The following ARFIP1 variants were observed in gnomAD, a reference collection of about 807,000 sequenced individuals.
ARFIP1 encodes ARF interacting protein 1.
A neutral mutation model predicts 42.5 loss-of-function variants in ARFIP1; 24 were observed. The ratio of observed to expected loss-of-function variants is 0.57; its 90% CI spans 0.41 to 0.80. ARFIP1 has a LOEUF of 0.80. Ranked by LOEUF, ARFIP1 falls within the 30% of genes least tolerant of loss-of-function variation. ARFIP1 has a pLI of 0.00. For synonymous variants in ARFIP1, 141 were observed against 153.7 expected, an observed-to-expected ratio of 0.92 and a Z score of 0.61; for missense variants, 354 against 434.0, an observed-to-expected ratio of 0.82 and a Z score of 1.64.
rs552053120 is a variant in ARFIP1 at position 152,863,908 on chromosome 4, C to A, written c.202+194C>A. 2.2e-4 allele frequency among the ~76,000 whole-genome samples: 33 copies of A among 152,088 alleles called. No homozygotes were observed. In the South Asian group the frequency reaches 6.7e-3, roughly 31 times the overall value. ...AGTAGTCTCCTTTATATAAACAGATCAATGTACATGATATCACTGGTTATT... is the reference window on the plus strand; with the variant it reads ...AGTAGTCTCCTTTATATAAACAGATAAATGTACATGATATCACTGGTTATT... On this transcript the variant is annotated intron_variant, in intron 3 of 8. Coordinates refer to ENST00000353617, the MANE Select transcript of ARFIP1 (RefSeq NM_001025595.3).
chr4:152,812,111 T>G (rs1341285660), intron 1 of ARFIP1, among the ~76,000 whole-genome samples: 1 of 152,214 alleles, frequency 6.6e-6, no homozygotes. Context: ...CATAGTTCCA[T>G]TGCTGTAATT....
At chr4:152,893,866 G>T (rs1397523975) in intron 8 of ARFIP1, among the ~76,000 whole-genome samples, 1 of 152,014 alleles carries the variant, frequency 6.6e-6, no homozygotes, top group African/African-American at 2.4e-5. Flanking sequence ...TATGAAAACT[G>T]TTGTTTTCAC....
In ARFIP1 at chr4:152,856,073, GTTTTC is replaced by G. The variant is rs543432665; in HGVS notation, c.94-7526_94-7522del. Among the ~76,000 whole-genome samples the G allele has an allele frequency of 3.3e-4, 50 of 152,248 alleles. No homozygotes were observed. In the South Asian group the frequency reaches 8.9e-3, roughly 27 times the overall value. On this transcript the variant is annotated intron_variant, in intron 2 of 8. Transcript: ENST00000353617. ...AGCCATCTTGAAGCCCCTCTCTTAA[GTTTTC>G]TTTTCTAAGAGGCCATAGGTGACAA...
At chr4:152,903,680 A>G (rs571971886) in intron 8 of ARFIP1, among the ~76,000 whole-genome samples, 111 of 152,184 alleles carry the variant, frequency 7.3e-4, no homozygotes, top group African/African-American at 2.4e-3. Context: ...CTAGAATTCA[A>G]TCCTAAAAAG....
At chr4:152,851,231 A>G (rs560491690) in intron 2 of ARFIP1, among the ~76,000 whole-genome samples, 45 of 152,218 alleles carry the variant, frequency 3.0e-4, no homozygotes, top group Non-Finnish European at 5.4e-4. Context: ...AAGAGAGGAT[A>G]TAGACAAATT....
intron 2 of ARFIP1, among the ~76,000 whole-genome samples, chr4:152,859,289 C>T (rs531221932): frequency 7.9e-5 from 12 of 152,188 alleles, no homozygotes; most frequent in Admixed American, 2.6e-4. Context: ...CTCAAATTCC[C>T]GAGCTCAAGC....
intron 2 of ARFIP1, among the ~76,000 whole-genome samples, chr4:152,833,082 A>G (rs1731374633): frequency 6.6e-6 from 1 of 152,178 alleles, no homozygotes; most frequent in Admixed American, 6.5e-5. Context: ...AGCAAAGGAA[A>G]CAATCAACAA....
chr4:152,893,540 T>C (rs953739186), intron 8 of ARFIP1, among the ~76,000 whole-genome samples: 1 of 152,136 alleles, frequency 6.6e-6, no homozygotes. Flanking sequence ...AATGAATATA[T>C]TGGGAGTGGG....
intron 1 of ARFIP1, among the ~76,000 whole-genome samples, chr4:152,802,646 G>A (rs1034453677): frequency 4.6e-5 from 7 of 152,038 alleles, no homozygotes; most frequent in African/African-American, 9.7e-5. Context: ...AATGTCTTAC[G>A]CAGTTCCACA....
At chr4:152,821,963 G>A (rs1308877500) in intron 1 of ARFIP1, among the ~76,000 whole-genome samples, 1 of 152,124 alleles carries the variant, frequency 6.6e-6, no homozygotes, top group East Asian at 1.9e-4. Flanking sequence ...AATGTTAAAA[G>A]GAGTTCTAAA....
chr4:152,807,043 T>C (rs1435750508), intron 1 of ARFIP1, among the ~76,000 whole-genome samples: 2 of 152,174 alleles, frequency 1.3e-5, no homozygotes, highest in African/African-American at 4.8e-5. Flanking sequence ...CTCGCTATGT[T>C]GCCCAGTTTG....
chr4:152,792,765 C>T (rs1731211324), intron 1 of ARFIP1, among the ~76,000 whole-genome samples: 1 of 152,064 alleles, frequency 6.6e-6, no homozygotes, highest in Admixed American at 6.6e-5. Context: ...GGGAAATGAT[C>T]TTACAAGGTT....
chr4:152,910,430 A>G lies in ARFIP1; in HGVS notation c.*211A>G, dbSNP rs752572761. On this transcript the variant is annotated 3_prime_UTR_variant, in exon 9 of 9. Coordinates refer to ENST00000353617, the MANE Select transcript of ARFIP1 (RefSeq NM_001025595.3). Reference sequence around the variant, plus strand: ...ACATAGTTTCTATAATCTGAACACAATAATTTTCCTTTTTGAGAAATCCTT... The same window carrying G: ...ACATAGTTTCTATAATCTGAACACAGTAATTTTCCTTTTTGAGAAATCCTT... The G allele has an allele frequency of 4.3e-5, 20 of 465,824 alleles. No homozygotes were observed. The highest frequency in any genetic ancestry group is 6.0e-5 in the African/African-American group (3 of 49,624). The allele number at this position is 465,824 out of a possible 1,614,324, so 28.9% of individuals were successfully genotyped here.
chr4:152,822,656 G>A (rs1339741045), intron 1 of ARFIP1, among the ~76,000 whole-genome samples: 1 of 152,156 alleles, frequency 6.6e-6, no homozygotes, highest in African/African-American at 2.4e-5. Flanking sequence ...TATATCACAT[G>A]ATAGGCCACA....
At position 152,798,107 on chromosome 4, in the gene ARFIP1, G is replaced by C. The variant is rs78820509; in HGVS notation, c.-10+17881G>C. ...ACTCTGTCTCTACAAAAAATTAGCT[G>C]GGCATTGTGGCAGGCACCTGTAATT... On this transcript the variant is annotated intron_variant, in intron 1 of 8. Transcript: ENST00000353617. Among the ~76,000 whole-genome samples, 655 of 152,226 alleles carry C rather than the reference G, an allele frequency of 4.3e-3. 4 individuals carry two copies. Among genetic ancestry groups the C allele is most frequent in the African/African-American group, 0.015 (613 of 41,532 alleles).
intron 8 of ARFIP1, among the ~76,000 whole-genome samples, chr4:152,905,878 C>G (rs902958363): frequency 6.6e-6 from 1 of 152,018 alleles, no homozygotes; most frequent in African/African-American, 2.4e-5. Context: ...ATTCTAGAAT[C>G]AAGTTCTTTG....
chr4:152,880,330 G>GA (rs931823916), intron 5 of ARFIP1, among the ~76,000 whole-genome samples: 1 of 148,860 alleles, frequency 6.7e-6, no homozygotes, highest in Non-Finnish European at 1.5e-5. Flanking sequence ...CTGGGCAATA[G>GA]AGAGAGACTC....
At position 152,881,067 on chromosome 4, in the gene ARFIP1, T is replaced by C; in HGVS notation, c.516T>C (p.Tyr172=). The C allele has an allele frequency of 3.1e-6, 5 of 1,613,784 alleles. No homozygotes were observed. Among genetic ancestry groups the C allele is most frequent in the Middle Eastern group, 1.7e-4 (1 of 6,060 alleles). ...IDILRDNKKK[Y]ENILKLAQTL... is the part of the protein sequence containing the mutation. ...TATTAAGGGATAACAAGAAAAAATA[T>C]GAAAATATTTTAAAACTGGCTCAAA... The change falls in exon 6 of 9, where the codon TAT becomes TAC. Residue 172 remains tyrosine (Y), a synonymous_variant. Coordinates refer to ENST00000353617, the MANE Select transcript of ARFIP1 (RefSeq NM_001025595.3).
At chr4:152,892,032 T>C (rs1438821101) in intron 8 of ARFIP1, among the ~76,000 whole-genome samples, 2 of 152,006 alleles carry the variant, frequency 1.3e-5, no homozygotes, top group Non-Finnish European at 2.9e-5. Context: ...GAAGAAAACA[T>C]AGTATACTTT....
Sources: gnomAD v4.1 joint callset for allele counts (sites outside exome capture counted in the v4.1 genomes callset) on GRCh38, gnomAD v4.1.1 for gene constraint, MANE v1.5 for transcripts, NCBI Gene and HGNC (gene_info 2026-07-23, HGNC 2026-07-21) for gene names.